PEX11G: variants seen among roughly 807,000 people sequenced by gnomAD.
PEX11G encodes the protein peroxisomal membrane protein 11C.
A neutral mutation model predicts 22.5 loss-of-function variants in PEX11G; 20 were observed. The ratio of observed to expected loss-of-function variants is 0.89; its 90% CI spans 0.62 to 1.29. PEX11G has a LOEUF of 1.29. Ranked by LOEUF, PEX11G falls within the 50% of genes most tolerant of loss-of-function variation. The pLI is 0.00. For missense variants in PEX11G, 347 were observed against 331.3 expected, an observed-to-expected ratio of 1.05 and a Z score of -0.37; for synonymous variants, 141 against 154.5, an observed-to-expected ratio of 0.91 and a Z score of 0.65.
chr19:7,481,961 GGCCGCTGCCACTTTGCTAAGGAGGCACC>G, intron 3 of PEX11G, 44 bp downstream of exon 3: 1 of 1,409,676 alleles, frequency 7.1e-7, no homozygotes, highest in East Asian at 2.5e-5. Context: ...CTGTTGCTGG[GGCCGCTGCCACTTTGCTAAGGAGGCACC>G]GCCCAGGGAC....
chr19:7,483,312 G>T (rs1422335937), intron 2 of PEX11G: 1 of 152,116 alleles, frequency 6.6e-6, no homozygotes, highest in Non-Finnish European at 1.5e-5. Context: ...TGCCTGGCGC[G>T]TCCTGGCACA....
In PEX11G at chr19:7,488,937, CGCCCCTGCCTCACCAGGCGGTCCCG is replaced by C; in HGVS notation, c.49_60+13del. On this transcript the variant is annotated splice_donor_variant and splice_donor_5th_base_variant and coding_sequence_variant and intron_variant, in exon 1 of 5. Coordinates refer to ENST00000221480, the MANE Select transcript of PEX11G (RefSeq NM_080662.4). LOFTEE classifies it high-confidence loss of function. ...AACTCTAGGACCTCCGGCCCCGGTC[CGCCCCTGCCTCACCAGGCGGTCCCG>C]GCCCCTGTACGACTCCAGCGCCGAC... 1 of 1,549,896 alleles carries C rather than the reference CGCCCCTGCCTCACCAGGCGGTCCCG, an allele frequency of 6.5e-7. No individual in the cohort carries two copies. The highest frequency in any genetic ancestry group is 8.7e-7 in the Non-Finnish European group (1 of 1,148,132).
intron 4 of PEX11G, 101 bp downstream of exon 4, chr19:7,478,213 A>G: frequency 3.8e-6 from 5 of 1,305,222 alleles, no homozygotes; most frequent in Non-Finnish European, 5.4e-6. Flanking sequence ...ACCTGAGCAC[A>G]ACAGTCCCCA....
chr19:7,478,294 G>T lies in PEX11G; in HGVS notation c.491+20C>A. The T allele has an allele frequency of 6.2e-7, 1 of 1,608,104 alleles. No individual in the cohort carries two copies. The highest frequency in any genetic ancestry group is 8.5e-7 in the Non-Finnish European group (1 of 1,178,576). On this transcript the variant is annotated intron_variant, in intron 4 of 4. Transcript: ENST00000221480. ...GCTGGAGGGAGTGGGCCTCCCTGCTGGGTGATCACGGGCTCCTACCTGGTG... is the reference window on the plus strand; with the variant it reads ...GCTGGAGGGAGTGGGCCTCCCTGCTTGGTGATCACGGGCTCCTACCTGGTG...
chr19:7,482,984 C>A (rs1568380845), intron 2 of PEX11G, among the ~76,000 whole-genome samples: 1 of 152,224 alleles, frequency 6.6e-6, no homozygotes, highest in Non-Finnish European at 1.5e-5. Flanking sequence ...GCCAGCGAGG[C>A]AGGACCAGTT....
chr19:7,489,127 C>G (rs916703053), upstream of PEX11G: 14 of 1,273,998 alleles, frequency 1.1e-5, no homozygotes, highest in African/African-American at 1.6e-5. Context: ...GCCTTTGTCC[C>G]CCTGACCGGC....
rs140835471 is a variant in PEX11G, at chr19:7,478,843, C to T, written c.429-467G>A. Among the ~76,000 whole-genome samples, 410 of 152,334 alleles carry T rather than the reference C, an allele frequency of 2.7e-3. 4 individuals carry two copies. The highest frequency in any genetic ancestry group is 9.5e-3 in the African/African-American group (396 of 41,578). ...GCCAGCACCCCCTGCACACACACCC[C>T]GGACATTGGCTGGACCTGTCTGGAT... On this transcript the variant is annotated intron_variant, in intron 3 of 4. Transcript: ENST00000221480.
In PEX11G at chr19:7,476,890, T is replaced by G; in HGVS notation, c.*312A>C. 5.9e-6 allele frequency: 2 copies of G among 336,230 alleles called. No individual in the cohort carries two copies. Among genetic ancestry groups the G allele is most frequent in the African/African-American group, 2.1e-5 (1 of 47,172 alleles). 20.8% of individuals were successfully genotyped at this position (336,230 alleles called of 1,614,324 possible). On this transcript the variant is annotated 3_prime_UTR_variant, in exon 5 of 5. Transcript: ENST00000221480. Reference sequence around the variant, plus strand: ...TGAGCCAGGCGCCAGCACCACAATGTTTAATTGATTCCCGTTCCAGCTTTC... The same window carrying G: ...TGAGCCAGGCGCCAGCACCACAATGGTTAATTGATTCCCGTTCCAGCTTTC...
At chr19:7,479,511 C>A (rs939771559) in intron 3 of PEX11G, among the ~76,000 whole-genome samples, 1 of 152,152 alleles carries the variant, frequency 6.6e-6, no homozygotes, top group Non-Finnish European at 1.5e-5. Flanking sequence ...CCCTGGGCGC[C>A]GGACCCAGGC....
chr19:7,486,134 CTCT>C (rs929886878), intron 1 of PEX11G, 108 bp from the exon 2 acceptor site: 30 of 990,310 alleles, frequency 3.0e-5, no homozygotes, highest in Non-Finnish European at 3.8e-5. Context: ...GTGGAAGATT[CTCT>C]TTTTTTTTTG....
chr19:7,488,991 A>G lies in PEX11G; in HGVS notation c.20T>C (p.Leu7Pro), dbSNP rs1028679432. ...CCTGTACGACTCCAGCGCCGACGCC[A>G]GGCCGCTCAGCGACGCCATGGCAAC... MASLSG[L>P]ASALESYRGR... Residue 7 changes from leucine to proline, a missense_variant, in exon 1 of 5, where the codon CTG becomes CCG. By Grantham distance (98) the Leu-to-Pro change is moderately conservative. Transcript: ENST00000221480. The G allele has an allele frequency of 7.1e-6, 11 of 1,546,366 alleles. No homozygotes were observed. The highest frequency in any genetic ancestry group is 9.6e-6 in the Non-Finnish European group (11 of 1,149,064).
At chr19:7,480,776 C>T (rs966922974) in intron 3 of PEX11G, among the ~76,000 whole-genome samples, 2 of 152,146 alleles carry the variant, frequency 1.3e-5, no homozygotes, top group African/African-American at 4.8e-5. Flanking sequence ...TGGGGGCAGC[C>T]GCACCTCACC....
intron 2 of PEX11G, 102 bp from the exon 3 acceptor site, chr19:7,482,313 G>A (rs946616656): frequency 1.5e-6 from 2 of 1,337,772 alleles, no homozygotes; most frequent in African/African-American, 1.5e-5. Flanking sequence ...CCTGACCCCA[G>A]TCCCTGGGCC....
chr19:7,486,107 C>T, intron 1 of PEX11G, 81 bp from the exon 2 acceptor site: 1 of 1,258,574 alleles, frequency 7.9e-7, no homozygotes. Context: ...GGCCCCGGGC[C>T]CCGCTGGATT....
intron 1 of PEX11G, among the ~76,000 whole-genome samples, chr19:7,486,323 C>T (rs2145975036): frequency 6.6e-6 from 1 of 152,164 alleles, no homozygotes; most frequent in African/African-American, 2.4e-5. Flanking sequence ...GACAGGGTTT[C>T]ACCAGGTTGG....
chr19:7,490,490 A>ATTTTTTTTTTTTTT (rs59322811), upstream of PEX11G, among the ~76,000 whole-genome samples: 1 of 114,894 alleles, frequency 8.7e-6, no homozygotes, highest in African/African-American at 3.2e-5. Context: ...CGCCTGGGTA[A>ATTTTTTTTTTTTTT]TTTTTTTTTT....
chr19:7,489,112 C>G (rs978284319), upstream of PEX11G: 49 of 1,328,348 alleles, frequency 3.7e-5, no homozygotes, highest in Non-Finnish European at 4.6e-5. Context: ...CAGGCGCGGC[C>G]GCAGGCCTTT....
chr19:7,480,880 A>G (rs1389328912), intron 3 of PEX11G, among the ~76,000 whole-genome samples: 1 of 152,176 alleles, frequency 6.6e-6, no homozygotes, highest in African/African-American at 2.4e-5. Context: ...ATTCTGACTC[A>G]GCGCATTTGC....
At chr19:7,494,965 TTC>T (rs1429387959) in intron 1 of PEX11G, among the ~76,000 whole-genome samples, 2 of 151,832 alleles carry the variant, frequency 1.3e-5, no homozygotes, top group Non-Finnish European at 2.9e-5. Context: ...TCTGACTTCT[TTC>T]TTTCTTTCTT....
Sources: gnomAD v4.1 joint callset for allele counts (sites outside exome capture counted in the v4.1 genomes callset) on GRCh38, gnomAD v4.1.1 for gene constraint, MANE v1.5 for transcripts, NCBI Gene and HGNC (gene_info 2026-07-23, HGNC 2026-07-21) for gene names.